Variants in LRP1B observed in about 807,000 individuals in gnomAD.
The protein encoded by LRP1B is LDL receptor related protein 1B, also known as low-density lipoprotein receptor-related protein 1B.
In LRP1B, 217 loss-of-function variants were observed where a neutral mutation model predicts 556.6. The observed-to-expected ratio is 0.39, with a 90% confidence interval of 0.35 to 0.44. The LOEUF (loss-of-function observed/expected upper bound fraction) is 0.44, where lower values mean the gene tolerates loss of function less well. LRP1B is among the 20% of genes least tolerant of loss of function. The pLI is 1.00. For missense variants in LRP1B, 5,053 were observed against 5,620.8 expected (o/e 0.90, Z 3.23); for synonymous variants, 2,047 against 1,865.8 (o/e 1.10, Z -2.50).
At chr2:141,792,103 A>C (rs1373659153) in intron 2 of LRP1B, among the ~76,000 whole-genome samples, 1 of 151,790 alleles carries the variant, frequency 6.6e-6, no homozygotes, top group African/African-American at 2.4e-5. Context: ...CCACCTCCTC[A>C]TAAATGCCAT....
chr2:140,522,027 C>T (rs2104955565), intron 49 of LRP1B, among the ~76,000 whole-genome samples: 1 of 152,052 alleles, frequency 6.6e-6, no homozygotes, highest in East Asian at 1.9e-4. Context: ...ATCATTCGGT[C>T]AATGAGGCAG....
chr2:142,078,517 A>G (rs897713410), intron 1 of LRP1B, among the ~76,000 whole-genome samples: 2 of 152,156 alleles, frequency 1.3e-5, no homozygotes, highest in Non-Finnish European at 2.9e-5. Context: ...TGGGCTTGGC[A>G]CTTAATAACT....
chr2:140,478,952 T>C (rs1688099680), intron 59 of LRP1B, among the ~76,000 whole-genome samples: 1 of 152,112 alleles, frequency 6.6e-6, no homozygotes, highest in Non-Finnish European at 1.5e-5. Context: ...CTAGACTACC[T>C]ATTGCATCTG....
chr2:141,888,512 G>C (rs1699190711), intron 1 of LRP1B, among the ~76,000 whole-genome samples: 2 of 152,096 alleles, frequency 1.3e-5, no homozygotes, highest in Non-Finnish European at 1.5e-5. Context: ...CTGTACTTCT[G>C]TTTCTGAGAA....
intron 84 of LRP1B, among the ~76,000 whole-genome samples, chr2:140,290,898 A>T (rs1335245558): frequency 6.6e-6 from 1 of 152,088 alleles, no homozygotes; most frequent in Non-Finnish European, 1.5e-5. Flanking sequence ...AGTCAGATCC[A>T]CAAAGCTAAA....
intron 41 of LRP1B, among the ~76,000 whole-genome samples, chr2:140,643,045 T>G (rs1465247976): frequency 6.6e-6 from 1 of 151,160 alleles, no homozygotes; most frequent in African/African-American, 2.4e-5. Context: ...TGATGTAATA[T>G]GAACACAGAG....
At chr2:140,719,063 G>A (rs1055593959) in intron 35 of LRP1B, among the ~76,000 whole-genome samples, 13 of 151,976 alleles carry the variant, frequency 8.6e-5, no homozygotes, top group African/African-American at 3.1e-4. Context: ...TTTGTTGAGT[G>A]TCTCTTTTGT....
At chr2:141,647,237 A>T (rs1378211555) in intron 2 of LRP1B, among the ~76,000 whole-genome samples, 2 of 152,208 alleles carry the variant, frequency 1.3e-5, no homozygotes, top group Non-Finnish European at 2.9e-5. Flanking sequence ...ATAAAATGGC[A>T]TTCTAGTCAA....
At chr2:141,463,658 A>T (rs1682038645) in intron 3 of LRP1B, among the ~76,000 whole-genome samples, 1 of 137,340 alleles carries the variant, frequency 7.3e-6, no homozygotes, top group Admixed American at 7.8e-5. Flanking sequence ...ATATATAATT[A>T]TATATATTAA....
chr2:142,067,311 C>T (rs1351420849), intron 1 of LRP1B, among the ~76,000 whole-genome samples: 1 of 151,162 alleles, frequency 6.6e-6, no homozygotes, highest in Non-Finnish European at 1.5e-5. Flanking sequence ...CTTTGAGGGG[C>T]ATTTATTCTG....
intron 1 of LRP1B, among the ~76,000 whole-genome samples, chr2:141,956,040 T>TA (rs5834882): frequency 2.4e-4 from 36 of 149,782 alleles, no homozygotes; most frequent in Admixed American, 6.0e-4. Context: ...CCACATCTCT[T>TA]AAAAAAAAAA....
intron 1 of LRP1B, among the ~76,000 whole-genome samples, chr2:141,903,160 T>C (rs574660587): frequency 1.4e-4 from 21 of 148,764 alleles, no homozygotes. Context: ...TTTTTTTTAC[T>C]ACTTTAATGA....
At chr2:141,409,120 A>G (rs1573912179) in intron 3 of LRP1B, among the ~76,000 whole-genome samples, 2 of 152,338 alleles carry the variant, frequency 1.3e-5, no homozygotes, top group South Asian at 4.1e-4. Flanking sequence ...AATATGGTAT[A>G]CTAATATCTA....
At chr2:141,065,582 ATC>A (rs1699459166) in intron 7 of LRP1B, among the ~76,000 whole-genome samples, 1 of 151,780 alleles carries the variant, frequency 6.6e-6, no homozygotes, top group Non-Finnish European at 1.5e-5. Context: ...CCAACTTGAG[ATC>A]TGTCTGATTT....
At chr2:140,463,406 TA>T (rs1015802717) in intron 60 of LRP1B, among the ~76,000 whole-genome samples, 94 of 152,258 alleles carry the variant, frequency 6.2e-4, no homozygotes, top group Non-Finnish European at 1.2e-3. Context: ...GCAAACCATT[TA>T]AAAAAATTAT....
chr2:142,066,523 T>C (rs1156487693), intron 1 of LRP1B, among the ~76,000 whole-genome samples: 1 of 151,504 alleles, frequency 6.6e-6, no homozygotes, highest in African/African-American at 2.4e-5. Context: ...TAATTCCTTA[T>C]GATTCTTCAT....
intron 69 of LRP1B, among the ~76,000 whole-genome samples, 176 bp downstream of exon 69, chr2:140,372,832 A>C (rs1683052005): frequency 6.6e-6 from 1 of 152,150 alleles, no homozygotes. Context: ...TTTCCAAAAC[A>C]CTTTCAAAAC....
At chr2:140,556,449 G>A (rs549451298) in intron 43 of LRP1B, among the ~76,000 whole-genome samples, 6 of 151,936 alleles carry the variant, frequency 3.9e-5, no homozygotes, top group African/African-American at 9.7e-5. Flanking sequence ...TAACCCACAC[G>A]GTCCTCCCAT....
intron 31 of LRP1B, among the ~76,000 whole-genome samples, chr2:140,837,293 T>C (rs1055345992): frequency 2.0e-5 from 3 of 152,190 alleles, no homozygotes; most frequent in African/African-American, 7.2e-5. Context: ...ATTTATTTAA[T>C]GGAGTCTAAA....
Sources: gnomAD v4.1 joint callset for allele counts (sites outside exome capture counted in the v4.1 genomes callset) on GRCh38, gnomAD v4.1.1 for gene constraint, MANE v1.5 for transcripts, NCBI Gene and HGNC (gene_info 2026-07-23, HGNC 2026-07-21) for gene names.